The following RHOBTB3 variants were observed in gnomAD, a reference collection of about 807,000 sequenced individuals.
The protein encoded by RHOBTB3 is rho-related BTB domain-containing protein 3.
In RHOBTB3, 47 loss-of-function variants were observed where a neutral mutation model predicts 67.2. That is an observed-to-expected ratio of 0.70 (90% CI 0.55 to 0.89). RHOBTB3 has a LOEUF of 0.89. Ranked by LOEUF, RHOBTB3 falls within the 40% of genes least tolerant of loss-of-function variation. The pLI is 0.00. For missense variants in RHOBTB3, 631 were observed against 750.0 expected (o/e 0.84, Z 1.85); for synonymous variants, 273 against 274.2 (o/e 1.00, Z 0.04).
chr5:95,790,921 C>G (rs1361774115), intron 11 of RHOBTB3, among the ~76,000 whole-genome samples: 1 of 152,168 alleles, frequency 6.6e-6, no homozygotes, highest in African/African-American at 2.4e-5. Context: ...ATTGGAAGAT[C>G]TGGCTACCCC....
chr5:95,733,127 C>T (rs976073454), intron 2 of RHOBTB3, among the ~76,000 whole-genome samples: 9 of 151,922 alleles, frequency 5.9e-5, no homozygotes, highest in Non-Finnish European at 1.0e-4. Flanking sequence ...CATAACAGAA[C>T]GAAAAGATCA....
chr5:95,785,108 A>G lies in RHOBTB3; in HGVS notation c.1623+1145A>G, dbSNP rs116523386. On this transcript the variant is annotated intron_variant, in intron 10 of 11. Coordinates refer to ENST00000379982, the MANE Select transcript of RHOBTB3 (RefSeq NM_014899.4). ...AGCCACATGATGGGGCAAATTCCAG[A>G]TCTGTGACAGCTGAATGCTTGCCTC... is the stretch of plus-strand genomic sequence containing the variant. 6.8e-3 allele frequency among the ~76,000 whole-genome samples: 1,043 copies of G among 152,296 alleles called. 15 individuals carry two copies. The highest frequency in any genetic ancestry group is 0.024 in the African/African-American group (987 of 41,554).
intron 10 of RHOBTB3, among the ~76,000 whole-genome samples, chr5:95,786,436 A>G (rs1447440168): frequency 6.6e-6 from 1 of 152,062 alleles, no homozygotes; most frequent in Non-Finnish European, 1.5e-5. Flanking sequence ...TTCTCTGTCC[A>G]TTTTCCCCTA....
intron 8 of RHOBTB3, among the ~76,000 whole-genome samples, chr5:95,779,560 G>T (rs1345913270): frequency 6.6e-6 from 1 of 152,220 alleles, no homozygotes; most frequent in Non-Finnish European, 1.5e-5. Flanking sequence ...GGTGAGTTCA[G>T]TGAGCAGTAT....
rs112273059 is a variant in RHOBTB3 at position 95,751,098 on chromosome 5, A to G, written c.571-1141A>G. Among the ~76,000 whole-genome samples the G allele has an allele frequency of 4.6e-5, 7 of 152,310 alleles. 1 individual carries two copies. Among genetic ancestry groups the G allele is most frequent in the African/African-American group, 1.7e-4 (7 of 41,566 alleles). ...ACTTTTGCCCCAGGCCTTGCAAGCT[A>G]GGGCACAGGCCTGAAGCTACGTAAA... On this transcript the variant is annotated intron_variant, in intron 4 of 11. Transcript: ENST00000379982.
At chr5:95,749,792 T>A (rs1285333145) in intron 4 of RHOBTB3, among the ~76,000 whole-genome samples, 1 of 152,228 alleles carries the variant, frequency 6.6e-6, no homozygotes, top group Non-Finnish European at 1.5e-5. Flanking sequence ...GGGAGGCCGT[T>A]CCCTTGGAAG....
chr5:95,743,701 C>T (rs567335348), intron 3 of RHOBTB3, among the ~76,000 whole-genome samples: 173 of 118,220 alleles, frequency 1.5e-3, no homozygotes, highest in African/African-American at 5.3e-3. Flanking sequence ...CTCCCTTCTT[C>T]TCCTCCCCCC....
At chr5:95,785,344 C>A (rs1746191255) in intron 10 of RHOBTB3, among the ~76,000 whole-genome samples, 1 of 152,206 alleles carries the variant, frequency 6.6e-6, no homozygotes, top group Non-Finnish European at 1.5e-5. Flanking sequence ...GGAATCCCAG[C>A]ACTTTGGGAG....
chr5:95,790,589 G>C (rs541805965), intron 11 of RHOBTB3, among the ~76,000 whole-genome samples: 1 of 152,166 alleles, frequency 6.6e-6, no homozygotes. Flanking sequence ...CTTCCAGTGC[G>C]ATGTGAGGTG....
intron 10 of RHOBTB3, among the ~76,000 whole-genome samples, chr5:95,785,840 A>G (rs547815363): frequency 2.0e-5 from 3 of 152,164 alleles, no homozygotes; most frequent in Non-Finnish European, 4.4e-5. Context: ...TTGTTTATGT[A>G]TAAGAGAACT....
chr5:95,777,295 C>G (rs1745915832), intron 8 of RHOBTB3, among the ~76,000 whole-genome samples: 1 of 152,162 alleles, frequency 6.6e-6, no homozygotes, highest in South Asian at 2.1e-4. Flanking sequence ...AAAAATTTCA[C>G]TTTTGAAACC....
At chr5:95,757,454 G>A (rs1034335493) in intron 6 of RHOBTB3, among the ~76,000 whole-genome samples, 7 of 152,156 alleles carry the variant, frequency 4.6e-5, no homozygotes, top group African/African-American at 1.7e-4. Flanking sequence ...TTTGTTTTTA[G>A]GGTTCAAGTA....
At chr5:95,736,510 A>G (rs1262912066) in intron 2 of RHOBTB3, among the ~76,000 whole-genome samples, 2 of 152,230 alleles carry the variant, frequency 1.3e-5, no homozygotes, top group Admixed American at 1.3e-4. Context: ...AAAACCTTTG[A>G]AGCTTCGTTA....
At chr5:95,749,367 A>G (rs1745023774) in intron 4 of RHOBTB3, among the ~76,000 whole-genome samples, 1 of 152,258 alleles carries the variant, frequency 6.6e-6, no homozygotes, top group African/African-American at 2.4e-5. Context: ...TCCACAGATG[A>G]CTACAGAAAT....
chr5:95,793,910 A>G lies in RHOBTB3; in HGVS notation c.*736A>G, dbSNP rs1396874576. The G allele has an allele frequency of 2.3e-6, 1 of 439,650 alleles. No individual in the cohort carries two copies. The highest frequency in any genetic ancestry group is 2.0e-5 in the African/African-American group (1 of 49,064). The allele number at this position is 439,650 out of a possible 1,614,324, so 27.2% of individuals were successfully genotyped here. Reference sequence around the variant, plus strand: ...AGCGGAAATTCTTAATAATGTTTGAAGAAGGGCCCCATGATTTCATTTTGT... The same window carrying G: ...AGCGGAAATTCTTAATAATGTTTGAGGAAGGGCCCCATGATTTCATTTTGT... On this transcript the variant is annotated 3_prime_UTR_variant, in exon 12 of 12. Coordinates refer to ENST00000379982, the MANE Select transcript of RHOBTB3 (RefSeq NM_014899.4).
At chr5:95,760,972 C>A (rs1284518726) in intron 6 of RHOBTB3, among the ~76,000 whole-genome samples, 2 of 152,192 alleles carry the variant, frequency 1.3e-5, no homozygotes, top group Non-Finnish European at 2.9e-5. Context: ...CAGCAGTGTG[C>A]TCTTGAGAAT....
At chr5:95,728,224 TC>T (rs1021306144), upstream of RHOBTB3, among the ~76,000 whole-genome samples, 2 of 152,178 alleles carry the variant, frequency 1.3e-5, no homozygotes, top group African/African-American at 4.8e-5. Flanking sequence ...CAGGTATGAC[TC>T]CAGAAATCTC....
chr5:95,756,466 C>A (rs1165059236), intron 6 of RHOBTB3, among the ~76,000 whole-genome samples: 2 of 152,160 alleles, frequency 1.3e-5, no homozygotes, highest in African/African-American at 4.8e-5. Context: ...CTGCTGTGAA[C>A]ATAGTGTACA....
At chr5:95,790,618 G>A (rs777366248) in intron 11 of RHOBTB3, among the ~76,000 whole-genome samples, 1 of 152,180 alleles carries the variant, frequency 6.6e-6, no homozygotes. Context: ...AGGAGGAAAC[G>A]ATGTGTCGAT....
Sources: gnomAD v4.1 joint callset for allele counts (sites outside exome capture counted in the v4.1 genomes callset) on GRCh38, gnomAD v4.1.1 for gene constraint, MANE v1.5 for transcripts, NCBI Gene and HGNC (gene_info 2026-07-23, HGNC 2026-07-21) for gene names.